PIK3CD: variants seen among roughly 807,000 people sequenced by gnomAD.
The protein encoded by PIK3CD is phosphatidylinositol 4,5-bisphosphate 3-kinase catalytic subunit delta isoform.
PIK3CD carries 20 observed loss-of-function variants against 122.9 expected under a neutral mutation model. The observed-to-expected ratio is 0.16, with a 90% CI of 0.11 to 0.24. PIK3CD has a LOEUF of 0.24. Among genes scored for constraint, PIK3CD ranks in the 10% least tolerant of loss-of-function variants. The pLI, the probability that PIK3CD is intolerant of heterozygous loss-of-function variation, is 1.00. For missense variants in PIK3CD, 787 were observed against 1,406.3 expected (o/e 0.56, Z 7.04); for synonymous variants, 596 against 593.4 (o/e 1.00, Z -0.06).
intron 2 of PIK3CD, among the ~76,000 whole-genome samples, chr1:9,703,327 C>A (rs1440248023): frequency 2.6e-5 from 4 of 152,230 alleles, no homozygotes; most frequent in Admixed American, 6.5e-5. Context: ...CAAACTCAGG[C>A]CCCTGATTGG....
chr1:9,675,708 C>A (rs1645507688), intron 1 of PIK3CD, among the ~76,000 whole-genome samples: 1 of 151,322 alleles, frequency 6.6e-6, no homozygotes, highest in Non-Finnish European at 1.5e-5. Flanking sequence ...ACCCCCCGTC[C>A]CCACCTTCCC....
At chr1:9,634,952 G>A in the PIK3CD span, among the ~76,000 whole-genome samples, 4 of 152,182 alleles carry the variant, frequency 2.6e-5, no homozygotes, top group Non-Finnish European at 5.9e-5. Context: ...TGCAGATGTA[G>A]TTAGTTGAGA....
At chr1:9,716,880 TG>T in intron 6 of PIK3CD, 78 bp from the exon 7 acceptor site, 8 of 1,597,330 alleles carry the variant, frequency 5.0e-6, no homozygotes, top group Middle Eastern at 3.4e-4. Flanking sequence ...GTGGGCAGCT[TG>T]GGGGGTCCTG....
In PIK3CD at chr1:9,704,389, C is replaced by A. The variant is rs1340562095; in HGVS notation, c.-32-6035C>A. On this transcript the variant is annotated intron_variant, in intron 2 of 23. Coordinates refer to ENST00000377346, the MANE Select transcript of PIK3CD (RefSeq NM_005026.5). This position sits in a 1 kb window ranked among gnomAD's most constrained non-coding sequence, Gnocchi z 5.0. ...CTCATGTGCTCATCTTGGGCCTCAC[C>A]AGACTGAGTGGCCAAAGATACCCCT... Among the ~76,000 whole-genome samples the A allele has an allele frequency of 1.3e-5, 2 of 152,152 alleles. No individual in the cohort carries two copies. Among genetic ancestry groups the A allele is most frequent in the Non-Finnish European group, 1.5e-5 (1 of 68,024 alleles).
intron 6 of PIK3CD, 79 bp from the exon 7 acceptor site, chr1:9,716,880 T>TGG (rs1647559365): frequency 6.3e-7 from 1 of 1,597,208 alleles, no homozygotes; most frequent in African/African-American, 1.3e-5. Flanking sequence ...GTGGGCAGCT[T>TGG]GGGGGGTCCT....
the PIK3CD span, among the ~76,000 whole-genome samples, chr1:9,641,108 C>A: frequency 6.6e-6 from 1 of 152,194 alleles, no homozygotes; most frequent in Non-Finnish European, 1.5e-5. Flanking sequence ...TTCTTAGTTT[C>A]TCTTCCTTAC....
intron 1 of PIK3CD, among the ~76,000 whole-genome samples, chr1:9,675,182 G>C (rs1157814577): frequency 2.0e-5 from 3 of 151,240 alleles, no homozygotes; most frequent in Admixed American, 1.3e-4. Context: ...TCAGGAGATC[G>C]AGACCATCCT....
At chr1:9,675,810 G>T (rs1645512912) in intron 1 of PIK3CD, among the ~76,000 whole-genome samples, 1 of 151,332 alleles carries the variant, frequency 6.6e-6, no homozygotes, top group African/African-American at 2.4e-5. Flanking sequence ...GTGTCACCCA[G>T]TCTGGAGTGC....
chr1:9,699,957 T>A (rs1318410908), intron 2 of PIK3CD, among the ~76,000 whole-genome samples: 1 of 152,096 alleles, frequency 6.6e-6, no homozygotes, highest in Non-Finnish European at 1.5e-5. Flanking sequence ...GCTGGATCCT[T>A]CTCTCACTTG....
At chr1:9,702,500 CTTTTTTTTTTTTTTTTTTTTTTT>C (rs60167511) in intron 2 of PIK3CD, among the ~76,000 whole-genome samples, 610 of 25,834 alleles carry the variant, frequency 0.024, 27 homozygotes, top group Middle Eastern at 0.17. Context: ...AAGAACTTTC[CTTTTTTTTTTTTTTTTTTTTTTT>C]TTTTTTTTTT....
chr1:9,714,053 T>C (rs1169288786), intron 3 of PIK3CD, among the ~76,000 whole-genome samples: 1 of 152,048 alleles, frequency 6.6e-6, no homozygotes, highest in African/African-American at 2.4e-5. Context: ...AGTCTTATTA[T>C]GTTGCCCAGG....
chr1:9,670,802 G>C (rs1237804699), intron 1 of PIK3CD, among the ~76,000 whole-genome samples: 3 of 152,034 alleles, frequency 2.0e-5, no homozygotes, highest in African/African-American at 7.2e-5. Flanking sequence ...CTGTCACCGA[G>C]GCTGGAGTGC....
intron 1 of PIK3CD, chr1:9,653,401 A>G (rs1278042456): frequency 5.0e-6 from 1 of 199,296 alleles, no homozygotes; most frequent in Non-Finnish European, 1.1e-5. Flanking sequence ...GAAAAGTTAA[A>G]TAACTCACCA....
At chr1:9,643,905 C>T in the PIK3CD span, among the ~76,000 whole-genome samples, 6 of 152,124 alleles carry the variant, frequency 3.9e-5, no homozygotes, top group South Asian at 2.1e-4. Flanking sequence ...GTTTCTGCCT[C>T]GCCTGGAAGG....
intron 1 of PIK3CD, among the ~76,000 whole-genome samples, chr1:9,683,402 C>T (rs1350472196): frequency 1.3e-5 from 2 of 150,516 alleles, no homozygotes; most frequent in Non-Finnish European, 3.0e-5. Flanking sequence ...CGCGCCACTG[C>T]ACTCCAGCCT....
intron 1 of PIK3CD, among the ~76,000 whole-genome samples, chr1:9,658,521 A>T (rs1033728616): frequency 5.0e-4 from 46 of 91,172 alleles, no homozygotes; most frequent in South Asian, 1.2e-3. Flanking sequence ...TCCCAGCCAC[A>T]TTTTTTTTTT....
At chr1:9,721,054 G>A in intron 13 of PIK3CD, 73 bp from the exon 14 acceptor site, 1 of 1,472,318 alleles carries the variant, frequency 6.8e-7, no homozygotes, top group Non-Finnish European at 9.4e-7. Context: ...GACCCTGGCT[G>A]GCCATCACCC....
Position 9,716,039 on chromosome 1 carries a change from C to G in PIK3CD, c.561C>G (p.Asn187Lys). The G allele has an allele frequency of 1.2e-6, 2 of 1,612,628 alleles. No individual in the cohort carries two copies. Among genetic ancestry groups the G allele is most frequent in the Non-Finnish European group, 1.7e-6 (2 of 1,179,942 alleles). ...GGCCTGGTACCCTGCGGCTCCCGAACCGGGCCCTTCTGGTCAACGTTAAGT... is the reference window on the plus strand; with the variant it reads ...GGCCTGGTACCCTGCGGCTCCCGAAGCGGGCCCTTCTGGTCAACGTTAAGT... ...TWGPGTLRLP[N>K]RALLVNVKFE... The change falls in exon 5 of 24, where the codon AAC (asparagine) becomes AAG (lysine). Residue 187 changes from asparagine to lysine, a missense_variant. Transcript: ENST00000377346.
intron 1 of PIK3CD, among the ~76,000 whole-genome samples, chr1:9,666,526 C>G (rs1645165752): frequency 1.3e-5 from 2 of 151,908 alleles, no homozygotes; most frequent in African/African-American, 4.8e-5. Context: ...GCCACCATGC[C>G]TGGCCGTATT....
Sources: allele counts gnomAD v4.1 joint callset (sites outside exome capture counted in the v4.1 genomes callset), GRCh38; gene constraint gnomAD v4.1.1; non-coding constraint Gnocchi (gnomAD v3.1); transcripts MANE v1.5; gene names NCBI Gene and HGNC (gene_info 2026-07-23, HGNC 2026-07-21).